The following ARPP19 variants were observed in gnomAD, a reference collection of about 807,000 sequenced individuals.
ARPP19 encodes the protein cAMP regulated phosphoprotein 19.
Under a neutral mutation model 12.0 loss-of-function variants are expected in ARPP19, and 8 were observed. The ratio of observed to expected loss-of-function variants is 0.67; its 90% CI spans 0.39 to 1.21. The LOEUF is 1.21. Ranked by LOEUF, ARPP19 falls within the 50% of genes most tolerant of loss-of-function variation. The probability of loss-of-function intolerance (pLI) is 0.01; values close to 1 mark genes in which losing one functional copy is unlikely to be tolerated. For missense variants in ARPP19, 102 were observed against 136.3 expected (o/e 0.75, Z 1.25); for synonymous variants, 47 against 50.4 (o/e 0.93, Z 0.29).
At chr15:52,555,122 A>G (rs2077969837) in intron 2 of ARPP19, among the ~76,000 whole-genome samples, 1 of 152,134 alleles carries the variant, frequency 6.6e-6, no homozygotes, top group Non-Finnish European at 1.5e-5. Context: ...GAATCATTAA[A>G]GAGCTCACTT....
chr15:52,567,034 A>AT (rs1221478434), intron 1 of ARPP19, among the ~76,000 whole-genome samples: 1 of 152,190 alleles, frequency 6.6e-6, no homozygotes, highest in African/African-American at 2.4e-5. Flanking sequence ...CAATAACTTA[A>AT]TTTTTTAGGT....
At chr15:52,569,064 G>GCCCTCGCACGCCGGAGCCCGCCTGC (rs2078117109), upstream of ARPP19, 2 of 575,798 alleles carry the variant, frequency 3.5e-6, no homozygotes. Context: ...GCTGGCCAAG[G>GCCCTCGCACGCCGGAGCCCGCCTGC]CCCTCGCACG....
chr15:52,560,888 C>T (rs553899916), intron 1 of ARPP19, among the ~76,000 whole-genome samples: 121 of 152,200 alleles, frequency 8.0e-4, no homozygotes, highest in Non-Finnish European at 1.4e-3. Flanking sequence ...GTAGCAGCTA[C>T]ACGACAAGGG....
intron 1 of ARPP19, chr15:52,557,543 G>C (rs2077992095): frequency 9.8e-6 from 2 of 204,980 alleles, no homozygotes; most frequent in Non-Finnish European, 2.0e-5. Flanking sequence ...ACCTTCTATG[G>C]AACTCTTCAG....
At chr15:52,560,552 G>A (rs551276746) in intron 1 of ARPP19, among the ~76,000 whole-genome samples, 17 of 152,262 alleles carry the variant, frequency 1.1e-4, no homozygotes, top group African/African-American at 4.1e-4. Flanking sequence ...TTAACAGGGG[G>A]GAAAAGATGA....
chr15:52,556,904 T>C lies in ARPP19; in HGVS notation c.168+196A>G, dbSNP rs570109214. On this transcript the variant is annotated intron_variant, in intron 2 of 2. Coordinates refer to ENST00000249822, the MANE Select transcript of ARPP19 (RefSeq NM_006628.6). ...GCTTTAAATAGTTTATTATTAAAAA[T>C]GCTGAAGAGTTGTAGATTCTCACAA... is the stretch of plus-strand genomic sequence containing the variant. The C allele has an allele frequency of 1.0e-5, 5 of 479,052 alleles. No homozygotes were observed. The South Asian group carries it at 1.7e-4, about 16-fold the overall frequency. 29.7% of individuals were successfully genotyped at this position (479,052 alleles called of 1,614,324 possible).
Position 52,568,953 on chromosome 15 carries a change from C to G in ARPP19, c.-61G>C, listed in dbSNP as rs1246831152. ...TGCAATTAGCGGGTGGCCGAGGCCA[C>G]CCGGCCGCCGCCCGTCCCAGCTCTC... is the stretch of plus-strand genomic sequence containing the variant. On this transcript the variant is annotated 5_prime_UTR_variant, in exon 1 of 3. Transcript: ENST00000249822. The G allele has an allele frequency of 1.4e-5, 17 of 1,219,754 alleles. 1 individual carries two copies. The Admixed American group carries it at 4.0e-4, about 28-fold the overall frequency. The allele number at this position is 1,219,754 out of a possible 1,614,324, so 75.6% of individuals were successfully genotyped here. A position where few individuals can be genotyped will look rare whatever the true frequency, so the allele number is the denominator to read the frequency against.
intron 1 of ARPP19, among the ~76,000 whole-genome samples, chr15:52,564,763 T>C (rs111309481): frequency 2.0e-5 from 3 of 152,072 alleles, no homozygotes; most frequent in Non-Finnish European, 4.4e-5. Context: ...CGAAAAAATA[T>C]ATACACACAT....
intron 1 of ARPP19, among the ~76,000 whole-genome samples, chr15:52,565,359 C>T (rs2078071630): frequency 6.6e-6 from 1 of 152,196 alleles, no homozygotes; most frequent in African/African-American, 2.4e-5. Context: ...CTTGCCTCTT[C>T]TCCCCTCCAG....
chr15:52,568,726 G>C lies in ARPP19; in HGVS notation c.45+122C>G, dbSNP rs1486425152. 3 of 600,834 alleles carry C rather than the reference G, an allele frequency of 5.0e-6. No individual in the cohort carries two copies. In the South Asian group the frequency reaches 7.9e-5, roughly 16 times the overall value. 37.2% of individuals were successfully genotyped at this position (600,834 alleles called of 1,614,324 possible). A position where few individuals can be genotyped will look rare whatever the true frequency, so the allele number is the denominator to read the frequency against. On this transcript the variant is annotated intron_variant, in intron 1 of 2. Transcript: ENST00000249822. ...GGCGGGAAGCCAAAGGTGGGGCGCA[G>C]GAGCCTCGGCCTCATGCGCCTCGGC... is the stretch of plus-strand genomic sequence containing the variant.
chr15:52,551,476 T>G lies in ARPP19; in HGVS notation c.*458A>C, dbSNP rs1019305656. 21 of 153,396 alleles carry G rather than the reference T, an allele frequency of 1.4e-4. No individual in the cohort carries two copies. Among genetic ancestry groups the G allele is most frequent in the African/African-American group, 5.0e-4 (21 of 41,598 alleles). 9.5% of individuals were successfully genotyped at this position (153,396 alleles called of 1,614,324 possible). ...TTTCAGAGCCCCATCTAGTTGTGTT[T>G]GAAATATGTGACCTTTCTTCTAACT... On this transcript the variant is annotated 3_prime_UTR_variant, in exon 3 of 3. Transcript: ENST00000249822.
At chr15:52,559,143 C>G (rs2078009693) in intron 1 of ARPP19, among the ~76,000 whole-genome samples, 1 of 152,126 alleles carries the variant, frequency 6.6e-6, no homozygotes, top group South Asian at 2.1e-4. Context: ...CAGATTCATC[C>G]ATTTATGTTA....
At chr15:52,566,317 C>T (rs1430186143) in intron 1 of ARPP19, among the ~76,000 whole-genome samples, 1 of 152,056 alleles carries the variant, frequency 6.6e-6, no homozygotes, top group Non-Finnish European at 1.5e-5. Flanking sequence ...GGCCACCATG[C>T]CTGGCTAGTT....
chr15:52,567,594 T>C (rs890656573), intron 1 of ARPP19, among the ~76,000 whole-genome samples: 1 of 152,248 alleles, frequency 6.6e-6, no homozygotes, highest in Admixed American at 6.5e-5. Flanking sequence ...CAAACTTTAA[T>C]ATTTGTATTT....
At chr15:52,555,423 AACAC>A (rs35884593) in intron 2 of ARPP19, among the ~76,000 whole-genome samples, 5 of 151,648 alleles carry the variant, frequency 3.3e-5, no homozygotes, top group Non-Finnish European at 5.9e-5. Context: ...CATAACTAAA[AACAC>A]AGTTGTCATT....
chr15:52,554,863 C>A (rs2077967114), intron 2 of ARPP19, among the ~76,000 whole-genome samples: 1 of 152,072 alleles, frequency 6.6e-6, no homozygotes, highest in Admixed American at 6.5e-5. Context: ...TTGTTAAAAG[C>A]CTAATAATAA....
intron 1 of ARPP19, among the ~76,000 whole-genome samples, chr15:52,564,842 C>A (rs1475577852): frequency 6.6e-6 from 1 of 152,112 alleles, no homozygotes; most frequent in African/African-American, 2.4e-5. Context: ...ATGGTCTATT[C>A]TTCTCTGTGG....
chr15:52,559,596 T>C (rs1220321606), intron 1 of ARPP19, among the ~76,000 whole-genome samples: 1 of 152,196 alleles, frequency 6.6e-6, no homozygotes, highest in African/African-American at 2.4e-5. Context: ...TATGTGATTT[T>C]TTTCCCTTAC....
At position 52,547,059 on chromosome 15, in the gene ARPP19, C is replaced by A. The variant is rs2077882897; in HGVS notation, c.*4875G>T. ...ATGAAAAAGACTCACAATCTGCAAA[C>A]ATTTAATCCTACCTTAAGTACAAAG... On this transcript the variant is annotated 3_prime_UTR_variant, in exon 3 of 3. Transcript: ENST00000249822. 2 of 137,068 alleles carry A rather than the reference C, an allele frequency of 1.5e-5. No homozygotes were observed. The highest frequency in any genetic ancestry group is 1.6e-5 in the Non-Finnish European group (1 of 64,506). 8.5% of individuals were successfully genotyped at this position (137,068 alleles called of 1,614,324 possible). A position where few individuals can be genotyped will look rare whatever the true frequency, so the allele number is the denominator to read the frequency against.
Sources: gnomAD v4.1 joint callset for allele counts (sites outside exome capture counted in the v4.1 genomes callset) on GRCh38, gnomAD v4.1.1 for gene constraint, MANE v1.5 for transcripts, NCBI Gene and HGNC (gene_info 2026-07-23, HGNC 2026-07-21) for gene names.